Variants in CTNNA2 observed in about 807,000 individuals in gnomAD.
The protein encoded by CTNNA2 is catenin alpha-2.
Under a neutral mutation model 101.0 loss-of-function variants are expected in CTNNA2, and 42 were observed. The ratio of observed to expected loss-of-function variants is 0.42; its 90% CI spans 0.32 to 0.54. CTNNA2 has a LOEUF of 0.54. Ranked by LOEUF, CTNNA2 falls within the 20% of genes least tolerant of loss-of-function variation. The pLI, the probability that CTNNA2 is intolerant of heterozygous loss-of-function variation, is 0.14. For missense variants in CTNNA2, 871 were observed against 1,223.1 expected, an observed-to-expected ratio of 0.71 and a Z score of 4.29; for synonymous variants, 450 against 456.4, an observed-to-expected ratio of 0.99 and a Z score of 0.18.
At chr2:79,890,270 C>G (rs1365005745) in intron 6 of CTNNA2, among the ~76,000 whole-genome samples, 1 of 152,188 alleles carries the variant, frequency 6.6e-6, no homozygotes, top group Non-Finnish European at 1.5e-5. Context: ...CCAGGAACCA[C>G]AGCCTGAAGC....
intron 8 of CTNNA2, among the ~76,000 whole-genome samples, chr2:80,397,928 G>T (rs1277188959): frequency 6.6e-6 from 1 of 152,148 alleles, no homozygotes; most frequent in Non-Finnish European, 1.5e-5. Flanking sequence ...AAGAAGGAAG[G>T]TTCACATAAA....
At chr2:79,235,277 A>G (rs1572992273) in intron 2 of CTNNA2, among the ~76,000 whole-genome samples, 1 of 152,140 alleles carries the variant, frequency 6.6e-6, no homozygotes, top group Admixed American at 6.6e-5. Flanking sequence ...TAGTTTTCCC[A>G]GGCACTGTAT....
At chr2:79,615,389 C>T (rs1010636729) in intron 1 of CTNNA2, among the ~76,000 whole-genome samples, 2 of 151,998 alleles carry the variant, frequency 1.3e-5, no homozygotes, top group Admixed American at 1.3e-4. Flanking sequence ...AAAAAGTTAG[C>T]CTTTCTACAC....
chr2:79,982,472 TACACACACACAC>T (rs60316453), intron 7 of CTNNA2, among the ~76,000 whole-genome samples: 2 of 139,716 alleles, frequency 1.4e-5, no homozygotes, highest in East Asian at 4.3e-4. Context: ...GACTCCTAAC[TACACACACACAC>T]ACACACACAC....
At chr2:79,579,258 G>T (rs573462106) in intron 1 of CTNNA2, among the ~76,000 whole-genome samples, 2 of 102,796 alleles carry the variant, frequency 1.9e-5, no homozygotes, top group East Asian at 3.2e-4. Flanking sequence ...TCCCTCCCTC[G>T]CTTCCTTCCT....
intron 3 of CTNNA2, among the ~76,000 whole-genome samples, chr2:79,756,643 A>T (rs1672420440): frequency 6.6e-6 from 1 of 152,218 alleles, no homozygotes; most frequent in African/African-American, 2.4e-5. Flanking sequence ...ACAAGCCATA[A>T]ACTGCAAGAA....
intron 1 of CTNNA2, among the ~76,000 whole-genome samples, chr2:79,564,391 G>A (rs1037771310): frequency 3.9e-5 from 6 of 151,962 alleles, no homozygotes; most frequent in African/African-American, 1.2e-4. Flanking sequence ...CGTATTAGTG[G>A]AACGCTGTCT....
chr2:79,294,214 G>A (rs940724949), intron 2 of CTNNA2, among the ~76,000 whole-genome samples: 5 of 147,448 alleles, frequency 3.4e-5, no homozygotes, highest in African/African-American at 7.7e-5. Flanking sequence ...AAGAAGAAGA[G>A]GAAGAAGAAG....
chr2:80,437,455 A>G (rs1027957648), intron 9 of CTNNA2, among the ~76,000 whole-genome samples: 1 of 152,196 alleles, frequency 6.6e-6, no homozygotes, highest in African/African-American at 2.4e-5. Flanking sequence ...TTTTAATGTC[A>G]AAAAATGGAT....
chr2:79,336,812 T>C (rs1331814153), intron 3 of CTNNA2, among the ~76,000 whole-genome samples: 1 of 152,130 alleles, frequency 6.6e-6, no homozygotes, highest in African/African-American at 2.4e-5. Flanking sequence ...GCAAGGCCAA[T>C]TTAGAATTTC....
intron 17 of CTNNA2, among the ~76,000 whole-genome samples, chr2:80,616,948 T>A (rs1299431813): frequency 1.3e-5 from 2 of 151,700 alleles, no homozygotes; most frequent in African/African-American, 4.8e-5. Flanking sequence ...GAAGTCATTT[T>A]CCATTTCCAA....
intron 7 of CTNNA2, among the ~76,000 whole-genome samples, chr2:80,082,641 A>G (rs1166480537): frequency 6.6e-6 from 1 of 152,134 alleles, no homozygotes; most frequent in Non-Finnish European, 1.5e-5. Flanking sequence ...AAGTGGATGT[A>G]TTTTATTAAA....
chr2:79,982,976 A>G (rs1426874980), intron 7 of CTNNA2, among the ~76,000 whole-genome samples: 1 of 152,018 alleles, frequency 6.6e-6, no homozygotes, highest in Non-Finnish European at 1.5e-5. Context: ...ACTTAAAAGA[A>G]TGGTTCTCAG....
chr2:79,265,310 G>A (rs1054077277), intron 2 of CTNNA2, among the ~76,000 whole-genome samples: 1 of 152,160 alleles, frequency 6.6e-6, no homozygotes, highest in Non-Finnish European at 1.5e-5. Flanking sequence ...CTACCCTTGA[G>A]CTGAACAGGA....
intron 13 of CTNNA2, among the ~76,000 whole-genome samples, chr2:80,580,156 A>G (rs902111437): frequency 3.3e-5 from 5 of 152,232 alleles, no homozygotes; most frequent in African/African-American, 1.2e-4. Flanking sequence ...AATAATGTCT[A>G]CATCATACGA....
chr2:79,815,868 A>G (rs1677450165), intron 3 of CTNNA2, among the ~76,000 whole-genome samples: 1 of 152,002 alleles, frequency 6.6e-6, no homozygotes, highest in Admixed American at 6.6e-5. Context: ...CATTTTCACA[A>G]TATTGATTGT....
Position 79,286,124 on chromosome 2 carries a change from C to A in CTNNA2, c.-405-26585C>A, listed in dbSNP as rs1010012700. On this transcript the variant is annotated intron_variant, in intron 2 of 21. Transcript: ENST00000466387. ...TTTGCTTGGTAGATCTTCCTCCATC[C>A]TTTTATTTTGAGCCTGTGTGTGTCT... Among the ~76,000 whole-genome samples, 12 of 151,958 alleles carry A rather than the reference C, an allele frequency of 7.9e-5. 1 individual carries two copies. The highest frequency in any genetic ancestry group is 7.9e-4 in the Admixed American group (12 of 15,248).
chr2:80,051,008 G>C (rs371636426), intron 7 of CTNNA2, among the ~76,000 whole-genome samples: 25 of 152,192 alleles, frequency 1.6e-4, no homozygotes, highest in African/African-American at 6.0e-4. Context: ...TTACAGGCGT[G>C]AGCCATGACA....
chr2:80,430,336 C>G (rs1681377695), intron 9 of CTNNA2, among the ~76,000 whole-genome samples: 1 of 152,170 alleles, frequency 6.6e-6, no homozygotes, highest in Non-Finnish European at 1.5e-5. Flanking sequence ...CACACATTAT[C>G]TCTTCTAATC....
Sources: allele counts gnomAD v4.1 joint callset (sites outside exome capture counted in the v4.1 genomes callset), GRCh38; gene constraint gnomAD v4.1.1; transcripts MANE v1.5; gene names NCBI Gene and HGNC (gene_info 2026-07-23, HGNC 2026-07-21).